SH3KBP1: variants seen among roughly 807,000 people sequenced by gnomAD.
SH3KBP1 encodes the protein SH3 domain-containing kinase-binding protein 1.
SH3KBP1 carries 8 observed loss-of-function variants against 50.1 expected under a neutral mutation model. That is an observed-to-expected ratio of 0.16 (90% CI 0.09 to 0.29). The LOEUF is 0.29. Among genes scored for constraint, SH3KBP1 ranks in the 10% least tolerant of loss-of-function variants. The probability of loss-of-function intolerance (pLI) is 1.00; values close to 1 mark genes in which losing one functional copy is unlikely to be tolerated. For missense variants in SH3KBP1, 377 were observed against 535.2 expected (o/e 0.70, Z 2.92); for synonymous variants, 227 against 218.6 (o/e 1.04, Z -0.34).
Position 19,706,865 on chromosome X carries a change from C to A in SH3KBP1, c.390+16G>T. 2 of 1,179,180 alleles carry A rather than the reference C, an allele frequency of 1.7e-6. No individual in the cohort carries two copies. The highest frequency in any genetic ancestry group is 2.3e-6 in the Non-Finnish European group (2 of 867,353). ...GCCCATTCGAGGCCATTGCACTGCC[C>A]GGCCAGGTCGCTTACCTCTCCTACC... is the stretch of plus-strand genomic sequence containing the variant. On this transcript the variant is annotated intron_variant, in intron 4 of 17. Coordinates refer to ENST00000397821, the MANE Select transcript of SH3KBP1 (RefSeq NM_031892.3).
intron 2 of SH3KBP1, among the ~76,000 whole-genome samples, chrX:19,780,915 T>C (rs767420709): frequency 3.6e-4 from 41 of 112,406 alleles, no homozygotes; most frequent in African/African-American, 1.3e-3. Context: ...TCTATAATTA[T>C]TGTCTTATAA....
intron 2 of SH3KBP1, among the ~76,000 whole-genome samples, chrX:19,784,174 AT>A (rs2066266950): frequency 9.0e-6 from 1 of 111,586 alleles, no homozygotes; most frequent in Non-Finnish European, 1.9e-5. Flanking sequence ...TCTTATCAGC[AT>A]TTTTTTCTCT....
At chrX:19,671,793 A>C (rs773010914) in intron 6 of SH3KBP1, among the ~76,000 whole-genome samples, 7 of 112,267 alleles carry the variant, frequency 6.2e-5, no homozygotes, top group Non-Finnish European at 1.3e-4. Flanking sequence ...TACTTACAAA[A>C]GTGCTTGGCA....
rs984076699 is a variant in SH3KBP1, at chrX:19,862,020, G to C, written c.4+25287C>G. The stretch of plus-strand genomic sequence containing the variant: ...TTTGACTGGACCACTTCCGCCTCTT[G>C]GTAGCCACTGCTCTGATTGTGCTTT... On this transcript the variant is annotated intron_variant, in intron 1 of 17. Transcript: ENST00000397821. 8.0e-5 allele frequency among the ~76,000 whole-genome samples: 9 copies of C among 111,902 alleles called. No homozygotes were observed. The Admixed American group carries it at 8.6e-4, about 11-fold the overall frequency.
At chrX:19,760,187 A>G (rs2065371612) in intron 2 of SH3KBP1, among the ~76,000 whole-genome samples, 1 of 107,885 alleles carries the variant, frequency 9.3e-6, no homozygotes, top group Non-Finnish European at 1.9e-5. Context: ...GGAGATTGAG[A>G]CTATCCTGGC....
At chrX:19,566,311 A>G (rs1451008300) in intron 13 of SH3KBP1, among the ~76,000 whole-genome samples, 1 of 40,051 alleles carries the variant, frequency 2.5e-5, no homozygotes, top group Admixed American at 2.6e-4. Flanking sequence ...CCGCCCCCCC[A>G]TCAATACCCC....
chrX:19,762,970 A>G (rs1254262134), intron 2 of SH3KBP1, among the ~76,000 whole-genome samples: 1 of 112,051 alleles, frequency 8.9e-6, no homozygotes, highest in Admixed American at 9.5e-5. Context: ...GCCTGAGGCA[A>G]TCTCCTTTCT....
At chrX:19,699,991 A>C (rs2063506216) in intron 4 of SH3KBP1, among the ~76,000 whole-genome samples, 1 of 111,911 alleles carries the variant, frequency 8.9e-6, no homozygotes, top group Admixed American at 9.5e-5. Context: ...AGACAGAAAA[A>C]GTTCATCTAA....
At position 19,534,257 on chromosome X, in the gene SH3KBP1, G is replaced by A. The variant is rs1465269316; in HGVS notation, c.*2160C>T. 1 of 109,162 alleles carries A rather than the reference G, an allele frequency of 9.2e-6. No homozygotes were observed. The highest frequency in any genetic ancestry group is 1.9e-5 in the Non-Finnish European group (1 of 52,540). The allele number at this position is 109,162 out of a possible 1,213,427, so 9.0% of individuals were successfully genotyped here. A position where few individuals can be genotyped will look rare whatever the true frequency, so the allele number is the denominator to read the frequency against. On this transcript the variant is annotated 3_prime_UTR_variant, in exon 18 of 18. Transcript: ENST00000397821. ...AATCCTCTTGCTGGGTAGCCCGAGGGGCCGCAATGAAGCTAGACATACCAA... is the reference window on the plus strand; with the variant it reads ...AATCCTCTTGCTGGGTAGCCCGAGGAGCCGCAATGAAGCTAGACATACCAA...
intron 1 of SH3KBP1, among the ~76,000 whole-genome samples, chrX:19,851,789 G>A (rs1212666580): frequency 1.8e-5 from 2 of 111,621 alleles, no homozygotes; most frequent in Non-Finnish European, 3.8e-5. Flanking sequence ...CTCCTGCCTC[G>A]ACGCCCTGAG....
chrX:19,726,538 A>C (rs1256125064), intron 3 of SH3KBP1, among the ~76,000 whole-genome samples: 1 of 110,718 alleles, frequency 9.0e-6, no homozygotes, highest in Non-Finnish European at 1.9e-5. Flanking sequence ...ATATAGGTAA[A>C]CTCATGTCAT....
intron 12 of SH3KBP1, among the ~76,000 whole-genome samples, chrX:19,584,274 TA>T (rs2066485446): frequency 1.0e-5 from 1 of 95,481 alleles, no homozygotes; most frequent in Non-Finnish European, 2.0e-5. Context: ...CATATTTATA[TA>T]TATATAAATA....
At chrX:19,800,224 A>C in intron 2 of SH3KBP1, among the ~76,000 whole-genome samples, 1 of 112,323 alleles carries the variant, frequency 8.9e-6, no homozygotes, top group Middle Eastern at 4.6e-3. Context: ...TGCACTCTAA[A>C]ATACAGCTCC....
intron 9 of SH3KBP1, among the ~76,000 whole-genome samples, chrX:19,601,846 C>T (rs2067101293): frequency 9.0e-6 from 1 of 111,150 alleles, no homozygotes; most frequent in South Asian, 3.8e-4. Flanking sequence ...ATAGAGTCCC[C>T]AGCAACTGCC....
At chrX:19,564,554 G>A (rs1388137230) in intron 13 of SH3KBP1, among the ~76,000 whole-genome samples, 3 of 107,366 alleles carry the variant, frequency 2.8e-5, no homozygotes, top group African/African-American at 6.8e-5. Flanking sequence ...CTCTTCTCTC[G>A]CCTCTCTCTC....
In SH3KBP1 at chrX:19,828,277, A is replaced by G. The variant is rs754916246; in HGVS notation, c.162+7848T>C. Among the ~76,000 whole-genome samples the G allele has an allele frequency of 3.6e-4, 39 of 109,055 alleles. No individual in the cohort carries two copies. The Middle Eastern group carries it at 0.014, about 40-fold the overall frequency. The allele number at this position is 109,055 out of a possible 115,157, so 94.7% of individuals were successfully genotyped here. Reference sequence around the variant, plus strand: ...TTCCACTGAGGTTTTTTTTTTTTCCACTGAGTTCCTCATATCCTCACTGAG... The same window carrying G: ...TTCCACTGAGGTTTTTTTTTTTTCCGCTGAGTTCCTCATATCCTCACTGAG... On this transcript the variant is annotated intron_variant, in intron 2 of 17. Transcript: ENST00000397821.
chrX:19,618,159 G>A (rs773680335), intron 8 of SH3KBP1, among the ~76,000 whole-genome samples: 2 of 110,652 alleles, frequency 1.8e-5, no homozygotes, highest in African/African-American at 6.6e-5. Context: ...GCCAAGGTGG[G>A]TGGATCACAA....
intron 1 of SH3KBP1, among the ~76,000 whole-genome samples, chrX:19,874,068 A>AAAAAAAAAATAT (rs1491537486): frequency 3.2e-4 from 18 of 57,031 alleles, no homozygotes; most frequent in African/African-American, 1.1e-3. Flanking sequence ...AAAAAAAAAA[A>AAAAAAAAAATAT]ATATATATAT....
At chrX:19,685,351 C>G (rs1481229907) in intron 5 of SH3KBP1, among the ~76,000 whole-genome samples, 1 of 112,539 alleles carries the variant, frequency 8.9e-6, no homozygotes, top group Non-Finnish European at 1.9e-5. Flanking sequence ...TCATTATAAA[C>G]TGCTAACACG....
Sources: allele counts gnomAD v4.1 joint callset (sites outside exome capture counted in the v4.1 genomes callset), GRCh38; gene constraint gnomAD v4.1.1; transcripts MANE v1.5; gene names NCBI Gene and HGNC (gene_info 2026-07-23, HGNC 2026-07-21).